Variants in RALGAPA1 observed in about 807,000 individuals in gnomAD.
The protein encoded by RALGAPA1 is ral GTPase-activating protein subunit alpha-1.
RALGAPA1 carries 52 observed loss-of-function variants against 269.6 expected under a neutral mutation model. That is an observed-to-expected ratio of 0.19 (90% confidence interval 0.15 to 0.24). The LOEUF is 0.24. Among genes scored for constraint, RALGAPA1 ranks in the 10% least tolerant of loss-of-function variants. The pLI is 1.00. For synonymous variants in RALGAPA1, 817 were observed against 1,008.3 expected (o/e 0.81, Z 3.60); for missense variants, 1,917 against 3,013.9 (o/e 0.64, Z 8.52).
intron 1 of RALGAPA1, among the ~76,000 whole-genome samples, chr14:35,791,816 G>C (rs570101497): frequency 3.6e-5 from 5 of 140,690 alleles, no homozygotes; most frequent in African/African-American, 1.3e-4. Context: ...TGAGGCAGAA[G>C]AATGGCGTGA....
intron 12 of RALGAPA1, among the ~76,000 whole-genome samples, chr14:35,729,834 T>A (rs1156753175): frequency 6.6e-6 from 1 of 152,086 alleles, no homozygotes; most frequent in Non-Finnish European, 1.5e-5. Context: ...TAAAATACAA[T>A]GAAAAATGAA....
rs3058601 is a variant in RALGAPA1 at position 35,600,236 on chromosome 14, T to TC, written c.7054-4448_7054-4447insG. ...TTTTTTTCTTTTTCTTTTTTTCTTT[T>TC]TTTTTTTTTTTTTGAGACAGGGTCT... On this transcript the variant is annotated intron_variant, in intron 36 of 41. Transcript: ENST00000680220. Among the ~76,000 whole-genome samples the TC allele has an allele frequency of 1.8e-4, 25 of 140,996 alleles. 1 individual carries two copies. The highest frequency in any genetic ancestry group is 6.3e-4 in the African/African-American group (23 of 36,488). The allele number at this position is 140,996 out of a possible 152,430, so 92.5% of individuals were successfully genotyped here. A position where few individuals can be genotyped will look rare whatever the true frequency, so the allele number is the denominator to read the frequency against.
chr14:35,585,032 TA>T (rs1270531128), intron 37 of RALGAPA1, among the ~76,000 whole-genome samples: 1 of 152,158 alleles, frequency 6.6e-6, no homozygotes, highest in Non-Finnish European at 1.5e-5. Context: ...GTAACTATAT[TA>T]ATTTCAGACA....
chr14:35,700,237 C>T lies in RALGAPA1; in HGVS notation c.2332G>A (p.Ala778Thr). The change falls in exon 17 of 42, where the codon GCT (alanine) becomes ACT (threonine). Residue 778 changes from alanine (A) to threonine (T), a missense_variant. Coordinates refer to ENST00000680220, the MANE Select transcript of RALGAPA1 (RefSeq NM_001346249.2). ...PSAYIRSAKS[A>T]PVLIHTSKPF... ...TTGGAAGTATGGATCAGAACAGGAG[C>T]ACTTTTAGCACTGCGTATATAGGCC... The T allele has an allele frequency of 6.5e-7, 1 of 1,535,602 alleles. No individual in the cohort carries two copies. Among genetic ancestry groups the T allele is most frequent in the Non-Finnish European group, 8.7e-7 (1 of 1,146,566 alleles).
chr14:35,625,958 G>A (rs1192399199), intron 34 of RALGAPA1, among the ~76,000 whole-genome samples: 1 of 152,136 alleles, frequency 6.6e-6, no homozygotes, highest in East Asian at 1.9e-4. Flanking sequence ...GCTTGCTGAA[G>A]TAAAATACAG....
chr14:35,583,196 T>C lies in RALGAPA1; in HGVS notation c.7210-10478A>G, dbSNP rs78169373. Among the ~76,000 whole-genome samples the C allele has an allele frequency of 1.2e-3, 179 of 152,282 alleles. 1 individual carries two copies. The East Asian group carries it at 0.031, about 26-fold the overall frequency. ...CTATGGTTAACATGCTATGGGGCTC[T>C]AATGGAAAAAGTAGACAACATTTAA... is the stretch of plus-strand genomic sequence containing the variant. On this transcript the variant is annotated intron_variant, in intron 37 of 41. Transcript: ENST00000680220.
At chr14:35,653,396 G>A (rs2062973678) in intron 30 of RALGAPA1, among the ~76,000 whole-genome samples, 1 of 152,182 alleles carries the variant, frequency 6.6e-6, no homozygotes, top group African/African-American at 2.4e-5. Flanking sequence ...TATTTTTTGA[G>A]GAGATGGTAT....
At chr14:35,739,625 T>A (rs1042455638) in intron 11 of RALGAPA1, among the ~76,000 whole-genome samples, 1 of 152,202 alleles carries the variant, frequency 6.6e-6, no homozygotes, top group African/African-American at 2.4e-5. Context: ...CATGTGTGAA[T>A]GGCAACTACT....
At chr14:35,657,598 C>A (rs777029551) in intron 28 of RALGAPA1, among the ~76,000 whole-genome samples, 32 of 151,856 alleles carry the variant, frequency 2.1e-4, no homozygotes, top group Admixed American at 3.3e-4. Context: ...ATAACACAAG[C>A]TGTTGTGTTA....
intron 35 of RALGAPA1, among the ~76,000 whole-genome samples, chr14:35,616,887 T>C (rs1018762445): frequency 1.3e-5 from 2 of 152,072 alleles, no homozygotes; most frequent in Non-Finnish European, 2.9e-5. Context: ...TGATTCCTGT[T>C]CCCAAGGACT....
chr14:35,659,319 C>A, intron 27 of RALGAPA1, 123 bp from the exon 28 acceptor site: 11 of 514,620 alleles, frequency 2.1e-5, no homozygotes, highest in Non-Finnish European at 2.9e-5. Context: ...AATAAAGAGA[C>A]CAATATTATT....
At chr14:35,769,260 T>C (rs1443353728) in intron 4 of RALGAPA1, among the ~76,000 whole-genome samples, 3 of 151,580 alleles carry the variant, frequency 2.0e-5, no homozygotes, top group African/African-American at 4.9e-5. Flanking sequence ...GATATAGCCA[T>C]TAAAAAGAAT....
chr14:35,759,360 T>C (rs1177825887), intron 6 of RALGAPA1, among the ~76,000 whole-genome samples: 1 of 152,170 alleles, frequency 6.6e-6, no homozygotes, highest in African/African-American at 2.4e-5. Context: ...GTTGAAAACC[T>C]AACCCCCAGT....
chr14:35,550,845 G>A (rs773362164), intron 39 of RALGAPA1, among the ~76,000 whole-genome samples: 7 of 152,128 alleles, frequency 4.6e-5, no homozygotes, highest in African/African-American at 1.2e-4. Context: ...AGGACAAGAT[G>A]CATATTAAAA....
intron 16 of RALGAPA1, chr14:35,707,331 C>A (rs1168601761): frequency 6.6e-6 from 1 of 152,100 alleles, no homozygotes; most frequent in Non-Finnish European, 1.5e-5. Flanking sequence ...ATTTCCTTTT[C>A]CTGTCTTACA....
Position 35,761,024 on chromosome 14 carries a change from T to G in RALGAPA1, c.370-18A>C, listed in dbSNP as rs574539733. ...CGCCTAATCTAAAATAAAATGAAAA[T>G]AGACAGTATTTTTATTTATAATGGA... is the stretch of plus-strand genomic sequence containing the variant. On this transcript the variant is annotated intron_variant, in intron 5 of 41. Transcript: ENST00000680220. 1.1e-5 allele frequency: 17 copies of G among 1,540,642 alleles called. No homozygotes were observed. The highest frequency in any genetic ancestry group is 9.8e-5 in the Admixed American group (5 of 50,978).
intron 16 of RALGAPA1, among the ~76,000 whole-genome samples, chr14:35,720,270 T>A (rs890681441): frequency 6.6e-6 from 1 of 152,214 alleles, no homozygotes; most frequent in Admixed American, 6.5e-5. Flanking sequence ...ATGCTTATTT[T>A]AAAAGCATAA....
chr14:35,657,084 C>T (rs1387842918), intron 28 of RALGAPA1, among the ~76,000 whole-genome samples: 1 of 152,042 alleles, frequency 6.6e-6, no homozygotes, highest in African/African-American at 2.4e-5. Flanking sequence ...TCCTACACCC[C>T]CCCTCCACAA....
In RALGAPA1 at chr14:35,790,042, C is replaced by T. The variant is rs574188944; in HGVS notation, c.107-14297G>A. Among the ~76,000 whole-genome samples the T allele has an allele frequency of 7.9e-5, 12 of 151,942 alleles. No individual in the cohort carries two copies. In the South Asian group the frequency reaches 1.9e-3, roughly 24 times the overall value. On this transcript the variant is annotated intron_variant, in intron 1 of 41. Coordinates refer to ENST00000680220, the MANE Select transcript of RALGAPA1 (RefSeq NM_001346249.2). ...GCCAAGGAGGTGGATCTCTTGAAGC[C>T]GGGAGTTTGAGACCAGTCTAGCCAA...
Sources: allele counts gnomAD v4.1 joint callset (sites outside exome capture counted in the v4.1 genomes callset), GRCh38; gene constraint gnomAD v4.1.1; transcripts MANE v1.5; gene names NCBI Gene and HGNC (gene_info 2026-07-23, HGNC 2026-07-21).